Variants in BMPER observed in about 807,000 individuals in gnomAD.
BMPER encodes the protein BMP-binding endothelial regulator protein.
In BMPER, 45 loss-of-function variants were observed where a neutral mutation model predicts 87.3. The ratio of observed to expected loss-of-function variants is 0.52; its 90% CI spans 0.41 to 0.66. The LOEUF (loss-of-function observed/expected upper bound fraction) is 0.66. BMPER is among the 30% of genes least tolerant of loss of function. The pLI, the probability that BMPER is intolerant of heterozygous loss-of-function variation, is 0.00. For missense variants in BMPER, 784 were observed against 867.5 expected (o/e 0.90, Z 1.21); for synonymous variants, 326 against 316.2 (o/e 1.03, Z -0.33).
At chr7:34,149,964 T>C (rs983211628) in intron 14 of BMPER, among the ~76,000 whole-genome samples, 1 of 152,058 alleles carries the variant, frequency 6.6e-6, no homozygotes, top group Non-Finnish European at 1.5e-5. Flanking sequence ...GTTAAGTAGA[T>C]AGGGAGAAGA....
At chr7:34,109,652 T>C (rs1289952043) in intron 13 of BMPER, among the ~76,000 whole-genome samples, 4 of 152,204 alleles carry the variant, frequency 2.6e-5, no homozygotes, top group Admixed American at 6.5e-5. Context: ...TCCCACTGCC[T>C]GTGGGTACCA....
rs567339967 is a variant in BMPER at position 34,048,273 on chromosome 7, A to T, written c.676+1868A>T. On this transcript the variant is annotated intron_variant, in intron 7 of 14. Coordinates refer to ENST00000649409, the MANE Select transcript of BMPER (RefSeq NM_001365308.1). ...AAAACTAGGAGCTTTCTCCTCTTTGATGGCTTCTTCTGCTAACTTCATCTA... is the reference window on the plus strand; with the variant it reads ...AAAACTAGGAGCTTTCTCCTCTTTGTTGGCTTCTTCTGCTAACTTCATCTA... Among the ~76,000 whole-genome samples, 5 of 152,230 alleles carry T rather than the reference A, an allele frequency of 3.3e-5. No homozygotes were observed. In the East Asian group the frequency reaches 7.7e-4, roughly 24 times the overall value.
intron 13 of BMPER, among the ~76,000 whole-genome samples, chr7:34,102,474 A>T (rs900184496): frequency 5.9e-5 from 9 of 152,120 alleles, no homozygotes; most frequent in Admixed American, 3.9e-4. Flanking sequence ...ATTCAGCGGG[A>T]TGGAGGTGGG....
intron 3 of BMPER, among the ~76,000 whole-genome samples, chr7:33,954,858 T>G (rs1047095393): frequency 1.3e-5 from 2 of 152,190 alleles, no homozygotes; most frequent in Non-Finnish European, 2.9e-5. Context: ...TATTTGGCAG[T>G]CTCTTCCACA....
At chr7:34,029,027 A>G (rs1410322982) in intron 6 of BMPER, among the ~76,000 whole-genome samples, 2 of 152,220 alleles carry the variant, frequency 1.3e-5, no homozygotes, top group East Asian at 3.9e-4. Context: ...AATGGACAAT[A>G]AAATGTTAAT....
chr7:34,146,817 T>C (rs1791036127), intron 14 of BMPER, among the ~76,000 whole-genome samples: 1 of 152,194 alleles, frequency 6.6e-6, no homozygotes. Context: ...AATGCATATT[T>C]ATGTGCTTAT....
intron 6 of BMPER, among the ~76,000 whole-genome samples, chr7:34,005,947 A>G (rs753378776): frequency 1.1e-4 from 16 of 152,054 alleles, no homozygotes; most frequent in African/African-American, 3.6e-4. Context: ...CACTAGGTCA[A>G]TGGATATTAA....
intron 6 of BMPER, among the ~76,000 whole-genome samples, chr7:33,994,627 G>C (rs541707161): frequency 2.0e-5 from 3 of 152,238 alleles, no homozygotes; most frequent in East Asian, 3.9e-4. Flanking sequence ...GTTCCTATTC[G>C]GCCATCTTGT....
At chr7:33,997,037 T>C (rs1786433814) in intron 6 of BMPER, among the ~76,000 whole-genome samples, 1 of 152,168 alleles carries the variant, frequency 6.6e-6, no homozygotes, top group Admixed American at 6.5e-5. Flanking sequence ...CTTATGTTCA[T>C]GCTCAACAGG....
At chr7:34,135,509 C>G (rs751783622) in intron 13 of BMPER, among the ~76,000 whole-genome samples, 1 of 152,124 alleles carries the variant, frequency 6.6e-6, no homozygotes, top group Non-Finnish European at 1.5e-5. Flanking sequence ...TGCAGGAAAA[C>G]CAGCCCCCTG....
intron 13 of BMPER, among the ~76,000 whole-genome samples, chr7:34,100,944 C>T (rs1245336092): frequency 6.6e-6 from 1 of 152,194 alleles, no homozygotes; most frequent in Non-Finnish European, 1.5e-5. Flanking sequence ...CCTTACTATT[C>T]AAATCGCCAC....
chr7:33,936,115 T>A (rs1784595582), intron 2 of BMPER, among the ~76,000 whole-genome samples: 1 of 152,088 alleles, frequency 6.6e-6, no homozygotes, highest in South Asian at 2.1e-4. Flanking sequence ...AATGGTGAGA[T>A]CTTCTTAGTC....
chr7:34,053,725 AGAG>A (rs1171534735), intron 8 of BMPER, among the ~76,000 whole-genome samples: 1 of 152,194 alleles, frequency 6.6e-6, no homozygotes, highest in Non-Finnish European at 1.5e-5. Context: ...AGTAAGCCGA[AGAG>A]GAGGAGGGGT....
At chr7:34,092,590 G>A (rs1483604803) in intron 13 of BMPER, among the ~76,000 whole-genome samples, 1 of 152,110 alleles carries the variant, frequency 6.6e-6, no homozygotes, top group Non-Finnish European at 1.5e-5. Context: ...CTGTCAGGCT[G>A]GACTCAAAGC....
intron 13 of BMPER, among the ~76,000 whole-genome samples, chr7:34,123,234 G>C (rs1383659176): frequency 6.6e-6 from 1 of 152,118 alleles, no homozygotes; most frequent in Non-Finnish European, 1.5e-5. Context: ...ATGTATCTTA[G>C]TTTTTTCTTA....
At chr7:33,920,895 G>C (rs1467075728) in intron 2 of BMPER, among the ~76,000 whole-genome samples, 1 of 151,992 alleles carries the variant, frequency 6.6e-6, no homozygotes, top group Non-Finnish European at 1.5e-5. Flanking sequence ...TTCTGTTATT[G>C]GTGTAAAACT....
In BMPER at chr7:33,969,023, T is replaced by C. The variant is rs561655355; in HGVS notation, c.403-1306T>C. On this transcript the variant is annotated intron_variant, in intron 4 of 14. Transcript: ENST00000649409. ...TGTTATATATTGCTAGTACTTTAGT[T>C]GTTTTATTCTTTCCCATGTGATTTA... is the stretch of plus-strand genomic sequence containing the variant. 2.0e-4 allele frequency among the ~76,000 whole-genome samples: 31 copies of C among 152,328 alleles called. No individual in the cohort carries two copies. The South Asian group carries it at 6.2e-3, about 31-fold the overall frequency.
Position 33,906,706 on chromosome 7 carries a change from A to G in BMPER, c.134-112A>G, listed in dbSNP as rs556593726. 2.0e-4 allele frequency: 183 copies of G among 927,674 alleles called. 1 individual carries two copies. In the East Asian group the frequency reaches 4.7e-3, roughly 24 times the overall value. The allele number at this position is 927,674 out of a possible 1,614,324, so 57.5% of individuals were successfully genotyped here. ...TTTAATAATTTAAACCACATTAAGA[A>G]TTCTGAAGTTTGGGTAGAGGTTTCA... is the stretch of plus-strand genomic sequence containing the variant. On this transcript the variant is annotated intron_variant, in intron 1 of 14. Coordinates refer to ENST00000649409, the MANE Select transcript of BMPER (RefSeq NM_001365308.1).
intron 2 of BMPER, chr7:33,922,014 A>G: frequency 2.9e-6 from 1 of 345,418 alleles, no homozygotes; most frequent in Non-Finnish European, 5.8e-6. Flanking sequence ...TGCAGAATAA[A>G]GCCATTCTGG....
Sources: gnomAD v4.1 joint callset for allele counts (sites outside exome capture counted in the v4.1 genomes callset) on GRCh38, gnomAD v4.1.1 for gene constraint, MANE v1.5 for transcripts, NCBI Gene and HGNC (gene_info 2026-07-23, HGNC 2026-07-21) for gene names.